The following THSD4 variants were observed in gnomAD, a reference collection of about 807,000 sequenced individuals.
THSD4 encodes the protein thrombospondin type 1 domain containing 4, also known as thrombospondin type-1 domain-containing protein 4.
A neutral mutation model predicts 119.0 loss-of-function variants in THSD4; 69 were observed. The ratio of observed to expected loss-of-function variants is 0.58; its 90% CI spans 0.48 to 0.71. The LOEUF is 0.71. THSD4 is among the 30% of genes least tolerant of loss of function. THSD4 has a pLI of 0.00. For missense variants in THSD4, 1,393 were observed against 1,391.1 expected, an observed-to-expected ratio of 1.00 and a Z score of -0.02; for synonymous variants, 524 against 540.4, an observed-to-expected ratio of 0.97 and a Z score of 0.42.
Position 71,135,991 on chromosome 15 carries a change from G to GTTTT in THSD4, c.-79-5435_-79-5432dup, listed in dbSNP as rs10540241. On this transcript the variant is annotated intron_variant, in intron 1 of 17. Coordinates refer to ENST00000261862, the MANE Select transcript of THSD4 (RefSeq NM_024817.3). ...GTCCTTTGGTTTTTTGTTTAGTTTA[G>GTTTT]TTTTTTTTTTTTTTTTTTTTTTTTT... 5.9e-3 allele frequency among the ~76,000 whole-genome samples: 405 copies of GTTTT among 69,084 alleles called. 36 individuals are homozygous for GTTTT. The highest frequency in any genetic ancestry group is 0.018 in the African/African-American group (352 of 19,846). The allele number at this position is 69,084 out of a possible 152,430, so 45.3% of individuals were successfully genotyped here. A position where few individuals can be genotyped will look rare whatever the true frequency, so the allele number is the denominator to read the frequency against.
intron 6 of THSD4, among the ~76,000 whole-genome samples, chr15:71,372,688 C>G (rs2046071952): frequency 6.6e-6 from 1 of 152,242 alleles, no homozygotes; most frequent in Admixed American, 6.5e-5. Context: ...TGTGCCCCTA[C>G]CGGGGGGTGC....
intron 3 of THSD4, among the ~76,000 whole-genome samples, chr15:71,207,653 C>T (rs910006003): frequency 1.3e-5 from 2 of 152,206 alleles, no homozygotes; most frequent in Non-Finnish European, 2.9e-5. Context: ...CATCTGAGCT[C>T]CACCTCCTGT....
In THSD4 at chr15:71,731,264, A is replaced by G. The variant is rs117813983; in HGVS notation, c.1630+47A>G. ...CCGGGGACTCTGGTCATTTCCTTGTAAAGCCTTCTCTCTCTCAATTCTTGT... is the reference window on the plus strand; with the variant it reads ...CCGGGGACTCTGGTCATTTCCTTGTGAAGCCTTCTCTCTCTCAATTCTTGT... On this transcript the variant is annotated intron_variant, in intron 10 of 17. Coordinates refer to ENST00000261862, the MANE Select transcript of THSD4 (RefSeq NM_024817.3). The G allele has an allele frequency of 2.1e-3, 3,323 of 1,562,442 alleles. 58 individuals carry two copies. In the African/African-American group the frequency reaches 0.034, roughly 16 times the overall value.
chr15:71,292,675 ATTTT>A (rs36103838), intron 6 of THSD4, among the ~76,000 whole-genome samples: 2 of 130,594 alleles, frequency 1.5e-5, no homozygotes, highest in African/African-American at 2.9e-5. Context: ...ATATAACAGG[ATTTT>A]TTTTTTTTTT....
intron 7 of THSD4, among the ~76,000 whole-genome samples, chr15:71,581,212 C>T (rs1351885915): frequency 1.3e-5 from 2 of 152,156 alleles, no homozygotes; most frequent in Non-Finnish European, 2.9e-5. Flanking sequence ...CCCACATTCT[C>T]ACCAACACTT....
intron 7 of THSD4, among the ~76,000 whole-genome samples, chr15:71,640,616 A>G (rs1302631759): frequency 1.3e-5 from 2 of 152,160 alleles, no homozygotes; most frequent in Non-Finnish European, 2.9e-5. Flanking sequence ...TTATTGTTTA[A>G]AAACTTCAGG....
At position 71,341,047 on chromosome 15, in the gene THSD4, C is replaced by T. The variant is rs144813908; in HGVS notation, c.1016-70640C>T. 49 of 762,502 alleles carry T rather than the reference C, an allele frequency of 6.4e-5. No individual in the cohort carries two copies. In the African/African-American group the frequency reaches 6.5e-4, roughly 10 times the overall value. The allele number at this position is 762,502 out of a possible 1,614,324, so 47.2% of individuals were successfully genotyped here. On this transcript the variant is annotated intron_variant, in intron 6 of 17. Transcript: ENST00000261862. ...CAGTGTCTTGCATTTCCTCTCTCTCCCATTTCTTTTTTCTTTTGTTGCCTT... is the reference window on the plus strand; with the variant it reads ...CAGTGTCTTGCATTTCCTCTCTCTCTCATTTCTTTTTTCTTTTGTTGCCTT...
intron 7 of THSD4, among the ~76,000 whole-genome samples, chr15:71,414,823 G>A (rs2046737601): frequency 6.6e-6 from 1 of 152,174 alleles, no homozygotes; most frequent in South Asian, 2.1e-4. Context: ...TATATTAATA[G>A]GGTTCTGATG....
intron 7 of THSD4, among the ~76,000 whole-genome samples, chr15:71,657,656 C>T (rs968312139): frequency 1.3e-5 from 2 of 152,160 alleles, no homozygotes; most frequent in Non-Finnish European, 2.9e-5. Context: ...GATCATGGCT[C>T]CCGGTAGACA....
Position 71,642,985 on chromosome 15 carries a change from G to T in THSD4, c.1153-17545G>T, listed in dbSNP as rs532486084. ...AAAATAAAAAAGAGTCTAGGTTCTGGGACTGGAATGCCTGGGTTACATTCC... is the reference window on the plus strand; with the variant it reads ...AAAATAAAAAAGAGTCTAGGTTCTGTGACTGGAATGCCTGGGTTACATTCC... On this transcript the variant is annotated intron_variant, in intron 7 of 17. Transcript: ENST00000261862. Among the ~76,000 whole-genome samples, 26 of 152,108 alleles carry T rather than the reference G, an allele frequency of 1.7e-4. 1 individual carries two copies. In the East Asian group the frequency reaches 5.0e-3, roughly 29 times the overall value.
chr15:71,241,428 G>T (rs917031641), intron 4 of THSD4, among the ~76,000 whole-genome samples: 2 of 152,030 alleles, frequency 1.3e-5, no homozygotes, highest in African/African-American at 4.8e-5. Context: ...AACATTTATT[G>T]TATGGCCTCT....
chr15:71,294,538 C>CT lies in THSD4; in HGVS notation c.1015+37824dup, dbSNP rs368424348. Reference sequence around the variant, plus strand: ...TTTCCTTTTAAGAAAGGGTCTTGGCCTGAATGTTCCCCATCCGGACACAGG... The same window carrying CT: ...TTTCCTTTTAAGAAAGGGTCTTGGCCTTGAATGTTCCCCATCCGGACACAGG... On this transcript the variant is annotated intron_variant, in intron 6 of 17. Coordinates refer to ENST00000261862, the MANE Select transcript of THSD4 (RefSeq NM_024817.3). Among the ~76,000 whole-genome samples the CT allele has an allele frequency of 2.5e-3, 385 of 152,216 alleles. 1 individual carries two copies. Among genetic ancestry groups the CT allele is most frequent in the African/African-American group, 8.9e-3 (370 of 41,528 alleles).
intron 17 of THSD4, among the ~76,000 whole-genome samples, chr15:71,773,838 A>G (rs2053865921): frequency 6.6e-6 from 1 of 152,234 alleles, no homozygotes; most frequent in African/African-American, 2.4e-5. Flanking sequence ...AAATCTGCAT[A>G]TAATCTTTCA....
At chr15:71,352,006 C>G (rs757219821) in intron 6 of THSD4, among the ~76,000 whole-genome samples, 1 of 152,220 alleles carries the variant, frequency 6.6e-6, no homozygotes, top group Non-Finnish European at 1.5e-5. Flanking sequence ...GTAAAAGCCC[C>G]TCTGAAGAAC....
intron 2 of THSD4, among the ~76,000 whole-genome samples, chr15:71,147,410 A>G (rs1304944351): frequency 2.0e-5 from 3 of 152,062 alleles, no homozygotes; most frequent in African/African-American, 7.2e-5. Context: ...TGATCTCACC[A>G]TCTTGCCCAG....
In THSD4 at chr15:71,651,941, G is replaced by A. The variant is rs928060084; in HGVS notation, c.1153-8589G>A. The stretch of plus-strand genomic sequence containing the variant: ...GTGTTAAGGAAATGACAAAGATGCC[G>A]GCGTGAATCTCCATCATTGCCTTCT... On this transcript the variant is annotated intron_variant, in intron 7 of 17. Coordinates refer to ENST00000261862, the MANE Select transcript of THSD4 (RefSeq NM_024817.3). Among the ~76,000 whole-genome samples the A allele has an allele frequency of 9.8e-5, 15 of 152,310 alleles. No individual in the cohort carries two copies. In the East Asian group the frequency reaches 1.9e-3, roughly 20 times the overall value.
Position 71,660,535 on chromosome 15 carries a change from T to C in THSD4, c.1158T>C (p.Ile386=), listed in dbSNP as rs1595838849. ...TGTTTTCTGTCTTTTTGCAGAGCAT[T>C]GGCTGTGATGACTACTTAGGCTCCG... ...AICVSGQCKS[I]GCDDYLGSDK... Residue 386 remains isoleucine (I), a synonymous_variant, in exon 8 of 18, where the codon ATT becomes ATC. Transcript: ENST00000261862. 3 of 1,614,016 alleles carry C rather than the reference T, an allele frequency of 1.9e-6. No individual in the cohort carries two copies. The highest frequency in any genetic ancestry group is 1.3e-5 in the African/African-American group (1 of 74,920).
chr15:71,773,200 C>CAAAAAAAAAAAAAAAAAAAAAA (rs5813665), intron 17 of THSD4, among the ~76,000 whole-genome samples: 2 of 54,044 alleles, frequency 3.7e-5, no homozygotes, highest in African/African-American at 6.8e-5. Flanking sequence ...GACCATGTCT[C>CAAAAAAAAAAAAAAAAAAAAAA]AAAAAAAAAA....
At chr15:71,461,592 A>G (rs2140615779) in intron 7 of THSD4, among the ~76,000 whole-genome samples, 1 of 152,346 alleles carries the variant, frequency 6.6e-6, no homozygotes, top group East Asian at 1.9e-4. Context: ...AGGGTCCATT[A>G]GTATTAAATA....
Sources: allele counts gnomAD v4.1 joint callset (sites outside exome capture counted in the v4.1 genomes callset), GRCh38; gene constraint gnomAD v4.1.1; transcripts MANE v1.5; gene names NCBI Gene and HGNC (gene_info 2026-07-23, HGNC 2026-07-21).